ARIH1: variants seen among roughly 807,000 people sequenced by gnomAD.
The protein encoded by ARIH1 is E3 ubiquitin-protein ligase ARIH1.
Under a neutral mutation model 85.0 loss-of-function variants are expected in ARIH1, and 8 were observed. That is an observed-to-expected ratio of 0.09 (90% CI 0.06 to 0.17). ARIH1 has a LOEUF of 0.17. Ranked by LOEUF, ARIH1 falls within the 10% of genes least tolerant of loss-of-function variation. ARIH1 has a pLI of 1.00. For synonymous variants in ARIH1, 238 were observed against 253.6 expected (o/e 0.94, Z 0.59); for missense variants, 311 against 718.1 (o/e 0.43, Z 6.48).
intron 1 of ARIH1, among the ~76,000 whole-genome samples, chr15:72,498,144 T>A (rs1468341713): frequency 6.6e-6 from 1 of 152,236 alleles, no homozygotes; most frequent in Non-Finnish European, 1.5e-5. Context: ...GAGGTGAAGA[T>A]GTGAACTTCT....
intron 1 of ARIH1, among the ~76,000 whole-genome samples, chr15:72,487,905 T>C (rs1460422944): frequency 6.6e-6 from 1 of 152,230 alleles, no homozygotes; most frequent in African/African-American, 2.4e-5. Context: ...CAATCTCATC[T>C]GCAGTTGTTC....
In ARIH1 at chr15:72,588,826, CT is replaced by C. The variant is rs2064328830; in HGVS notation, c.*5536del. On this transcript the variant is annotated 3_prime_UTR_variant, in exon 14 of 14. Coordinates refer to ENST00000379887, the MANE Select transcript of ARIH1 (RefSeq NM_005744.5). ...GCCATGTTGATTGGCAGTACATTCT[CT>C]TACCAAGGGGGAGAAATCTATCTAG... 6.6e-6 allele frequency: 1 copy of C among 152,192 alleles called. No homozygotes were observed. Among genetic ancestry groups the C allele is most frequent in the East Asian group, 1.9e-4 (1 of 5,204 alleles). 9.4% of individuals were successfully genotyped at this position (152,192 alleles called of 1,614,324 possible). A position where few individuals can be genotyped will look rare whatever the true frequency, so the allele number is the denominator to read the frequency against.
chr15:72,510,736 C>CAAAA (rs57834481), intron 1 of ARIH1, among the ~76,000 whole-genome samples: 568 of 26,722 alleles, frequency 0.021, 126 homozygotes, highest in Non-Finnish European at 0.028. Context: ...GACTCTGACT[C>CAAAA]AAAAAAAAAA....
At chr15:72,531,243 A>G (rs1380628384) in intron 2 of ARIH1, among the ~76,000 whole-genome samples, 1 of 151,864 alleles carries the variant, frequency 6.6e-6, no homozygotes, top group Non-Finnish European at 1.5e-5. Flanking sequence ...TATGGTAAAA[A>G]GAAATCCACA....
chr15:72,483,466 C>CA (rs2063824468), intron 1 of ARIH1, among the ~76,000 whole-genome samples: 1 of 152,286 alleles, frequency 6.6e-6, no homozygotes, highest in African/African-American at 2.4e-5. Context: ...AGCCCATACT[C>CA]AATCGGAGGG....
rs1010563228 is a variant in ARIH1, at chr15:72,495,902, A to G, written c.375+20888A>G. Among the ~76,000 whole-genome samples, 25 of 152,242 alleles carry G rather than the reference A, an allele frequency of 1.6e-4. 1 individual carries two copies. Among genetic ancestry groups the G allele is most frequent in the Middle Eastern group, 3.4e-3 (1 of 294 alleles). On this transcript the variant is annotated intron_variant, in intron 1 of 13. Transcript: ENST00000379887. ...GATATACAAATATATATACTATACA[A>G]AAATATATCTTACAATTTTTTTCCT...
At position 72,563,511 on chromosome 15, in the gene ARIH1, G is replaced by T. The variant is rs2064205975; in HGVS notation, c.911+11G>T. The T allele has an allele frequency of 6.2e-7, 1 of 1,601,802 alleles. No homozygotes were observed. The highest frequency in any genetic ancestry group is 8.6e-7 in the Non-Finnish European group (1 of 1,169,046). On this transcript the variant is annotated intron_variant, in intron 7 of 13. Coordinates refer to ENST00000379887, the MANE Select transcript of ARIH1 (RefSeq NM_005744.5). ...TGGGCGCCAATTTTGGTAAGCAAGTGATTTCCTAAATTGAAATAGTGCACA... is the reference window on the plus strand; with the variant it reads ...TGGGCGCCAATTTTGGTAAGCAAGTTATTTCCTAAATTGAAATAGTGCACA...
At chr15:72,570,891 G>A (rs900064187) in intron 10 of ARIH1, among the ~76,000 whole-genome samples, 1 of 152,116 alleles carries the variant, frequency 6.6e-6, no homozygotes, top group Non-Finnish European at 1.5e-5. Flanking sequence ...CAATTTGGGA[G>A]GCCGAGGTGG....
intron 4 of ARIH1, 77 bp downstream of exon 4, chr15:72,555,440 T>TA: frequency 1.0e-6 from 1 of 979,948 alleles, no homozygotes. Context: ...TTTGCACAAA[T>TA]AAAAACAGGT....
At chr15:72,573,618 C>T (rs1381575003) in intron 11 of ARIH1, among the ~76,000 whole-genome samples, 2 of 151,956 alleles carry the variant, frequency 1.3e-5, no homozygotes, top group African/African-American at 4.8e-5. Context: ...TGATGTTTCA[C>T]AGACCTTCAC....
chr15:72,512,101 T>C (rs1261248587), intron 1 of ARIH1, among the ~76,000 whole-genome samples: 2 of 152,202 alleles, frequency 1.3e-5, no homozygotes, highest in Non-Finnish European at 2.9e-5. Context: ...TGCATCTTTG[T>C]TCATGTAGTA....
intron 11 of ARIH1, among the ~76,000 whole-genome samples, chr15:72,579,511 C>A (rs1051982989): frequency 6.6e-6 from 1 of 152,192 alleles, no homozygotes; most frequent in African/African-American, 2.4e-5. Flanking sequence ...TTGTGGCATA[C>A]TGTAGAACAG....
At chr15:72,541,625 T>C (rs564860898) in intron 2 of ARIH1, among the ~76,000 whole-genome samples, 10 of 152,264 alleles carry the variant, frequency 6.6e-5, no homozygotes, top group South Asian at 4.1e-4. Flanking sequence ...TTGTCAAATA[T>C]TGAGAATTTA....
intron 2 of ARIH1, among the ~76,000 whole-genome samples, chr15:72,544,559 C>CA (rs2064120860): frequency 6.6e-6 from 1 of 152,032 alleles, no homozygotes; most frequent in Admixed American, 6.6e-5. Context: ...TACATACACA[C>CA]ACACACACAC....
At chr15:72,566,967 T>A in intron 8 of ARIH1, 139 bp from the exon 9 acceptor site, 1 of 639,256 alleles carries the variant, frequency 1.6e-6, no homozygotes, top group Admixed American at 3.3e-5. Context: ...GGGATTTCCC[T>A]GGCTTAAGAG....
Position 72,591,507 on chromosome 15 carries a change from AAC to A in ARIH1, c.*8223_*8224del, listed in dbSNP as rs763392818. 1 of 152,150 alleles carries A rather than the reference AAC, an allele frequency of 6.6e-6. No individual in the cohort carries two copies. The highest frequency in any genetic ancestry group is 1.5e-5 in the Non-Finnish European group (1 of 68,032). The allele number at this position is 152,150 out of a possible 1,614,324, so 9.4% of individuals were successfully genotyped here. The stretch of plus-strand genomic sequence containing the variant: ...AAGTGGGATTCCTGAGGACTGAGCA[AAC>A]ACACACAGAGCAGGATTTTGTCCTA... On this transcript the variant is annotated 3_prime_UTR_variant, in exon 14 of 14. Transcript: ENST00000379887.
At chr15:72,583,093 GT>G in intron 13 of ARIH1, 114 bp from the exon 14 acceptor site, 1 of 703,690 alleles carries the variant, frequency 1.4e-6, no homozygotes, top group Non-Finnish European at 2.3e-6. Context: ...TAAAAAATAG[GT>G]GCTTGGTTCC....
At chr15:72,486,910 G>A (rs918942672) in intron 1 of ARIH1, among the ~76,000 whole-genome samples, 1 of 151,456 alleles carries the variant, frequency 6.6e-6, no homozygotes, top group Admixed American at 6.6e-5. Context: ...GGCCAGGCTG[G>A]TCTCGAACTC....
chr15:72,547,217 G>A (rs2064133369), intron 3 of ARIH1, among the ~76,000 whole-genome samples: 1 of 131,700 alleles, frequency 7.6e-6, no homozygotes, highest in Non-Finnish European at 1.6e-5. Context: ...GTGAGCCACC[G>A]CGCCTGGCCT....
Sources: gnomAD v4.1 joint callset for allele counts (sites outside exome capture counted in the v4.1 genomes callset) on GRCh38, gnomAD v4.1.1 for gene constraint, MANE v1.5 for transcripts, NCBI Gene and HGNC (gene_info 2026-07-23, HGNC 2026-07-21) for gene names.